The following VWC2L variants were observed in gnomAD, a reference collection of about 807,000 sequenced individuals.
The protein encoded by VWC2L is von Willebrand factor C domain containing 2 like, also known as von Willebrand factor C domain-containing protein 2-like.
In VWC2L, 10 loss-of-function variants were observed where a neutral mutation model predicts 21.6. The observed-to-expected ratio is 0.46, with a 90% confidence interval of 0.29 to 0.78. The LOEUF (loss-of-function observed/expected upper bound fraction) is 0.78. Among genes scored for constraint, VWC2L ranks in the 30% least tolerant of loss-of-function variants. The pLI, the probability that VWC2L is intolerant of heterozygous loss-of-function variation, is 0.10. For synonymous variants in VWC2L, 96 were observed against 94.3 expected (o/e 1.02, Z -0.10); for missense variants, 209 against 277.1 (o/e 0.75, Z 1.74).
chr2:214,541,250 T>A (rs1689622018), intron 3 of VWC2L, among the ~76,000 whole-genome samples: 1 of 151,960 alleles, frequency 6.6e-6, no homozygotes, highest in South Asian at 2.1e-4. Context: ...TTTAATTGTC[T>A]CATTTTGTTT....
intron 3 of VWC2L, among the ~76,000 whole-genome samples, chr2:214,556,725 C>T (rs188946794): frequency 9.7e-4 from 148 of 152,324 alleles, no homozygotes; most frequent in African/African-American, 2.8e-3. Flanking sequence ...ACCAGGAGGA[C>T]TTCCAGTAAA....
chr2:214,503,795 A>G (rs2105902238), intron 3 of VWC2L, among the ~76,000 whole-genome samples: 1 of 151,822 alleles, frequency 6.6e-6, no homozygotes, highest in East Asian at 1.9e-4. Context: ...GAGATGGGAC[A>G]AGTAAGATAT....
intron 3 of VWC2L, among the ~76,000 whole-genome samples, chr2:214,572,496 T>A (rs1477148094): frequency 6.6e-6 from 1 of 152,180 alleles, no homozygotes; most frequent in Non-Finnish European, 1.5e-5. Context: ...ACGTATTCCC[T>A]TATTTCGACC....
chr2:214,494,722 C>G (rs1280537477), intron 3 of VWC2L, among the ~76,000 whole-genome samples: 2 of 151,868 alleles, frequency 1.3e-5, no homozygotes, highest in Non-Finnish European at 2.9e-5. Flanking sequence ...CTTGAATGTA[C>G]TTAAAATTCA....
intron 3 of VWC2L, among the ~76,000 whole-genome samples, chr2:214,558,138 C>G (rs573467874): frequency 1.3e-5 from 2 of 152,322 alleles, no homozygotes; most frequent in South Asian, 2.1e-4. Context: ...CTGCCAGAAA[C>G]CTTTACTTTC....
intron 3 of VWC2L, among the ~76,000 whole-genome samples, chr2:214,482,536 TACAC>T (rs58784551): frequency 1.3e-4 from 20 of 148,674 alleles, no homozygotes; most frequent in East Asian, 2.0e-4. Flanking sequence ...TCTATATATA[TACAC>T]ACACACACAC....
At chr2:214,519,188 C>G (rs10932538) in intron 3 of VWC2L, among the ~76,000 whole-genome samples, 25,157 of 152,110 alleles carry the variant, frequency 0.17, 2,216 homozygotes, top group East Asian at 0.27. Context: ...AATTGCAAAG[C>G]CTGTTCTTTT....
chr2:214,512,775 T>A (rs888254963), intron 3 of VWC2L, among the ~76,000 whole-genome samples: 7 of 152,022 alleles, frequency 4.6e-5, no homozygotes, highest in Admixed American at 3.9e-4. Flanking sequence ...GAAGAATGCA[T>A]AAGTGGATAT....
At chr2:214,563,776 G>C (rs1690018585) in intron 3 of VWC2L, among the ~76,000 whole-genome samples, 1 of 152,034 alleles carries the variant, frequency 6.6e-6, no homozygotes, top group Non-Finnish European at 1.5e-5. Flanking sequence ...TTGAAAACCA[G>C]TACAAGACAA....
At chr2:214,522,568 T>C (rs1188081730) in intron 3 of VWC2L, among the ~76,000 whole-genome samples, 1 of 152,036 alleles carries the variant, frequency 6.6e-6, no homozygotes, top group Non-Finnish European at 1.5e-5. Context: ...TCATGGAGAA[T>C]GAGGTATCCA....
At chr2:214,503,496 C>T (rs1263363894) in intron 3 of VWC2L, among the ~76,000 whole-genome samples, 1 of 151,924 alleles carries the variant, frequency 6.6e-6, no homozygotes, top group Non-Finnish European at 1.5e-5. Flanking sequence ...GAGCTTAGAG[C>T]TCATCAAAGT....
intron 3 of VWC2L, among the ~76,000 whole-genome samples, chr2:214,457,420 T>C (rs1361194430): frequency 6.6e-6 from 1 of 152,096 alleles, no homozygotes; most frequent in East Asian, 1.9e-4. Flanking sequence ...TTTAGGTTTA[T>C]TAACATCATA....
intron 3 of VWC2L, among the ~76,000 whole-genome samples, chr2:214,500,545 C>T (rs1250110615): frequency 6.6e-6 from 1 of 152,220 alleles, no homozygotes. Flanking sequence ...CCCATCTGAG[C>T]CTGTTTTCCA....
chr2:214,556,829 T>C (rs1312071345), intron 3 of VWC2L, among the ~76,000 whole-genome samples: 2 of 152,196 alleles, frequency 1.3e-5, no homozygotes, highest in Non-Finnish European at 2.9e-5. Context: ...CACTCTCTTG[T>C]TAATATCTTC....
At chr2:214,446,947 T>C (rs1702847037) in intron 3 of VWC2L, among the ~76,000 whole-genome samples, 1 of 152,164 alleles carries the variant, frequency 6.6e-6, no homozygotes, top group African/African-American at 2.4e-5. Flanking sequence ...GCTGAGTGTA[T>C]CCCTGAAAAC....
chr2:214,487,620 G>C (rs1194969857), intron 3 of VWC2L, among the ~76,000 whole-genome samples: 1 of 152,156 alleles, frequency 6.6e-6, no homozygotes, highest in African/African-American at 2.4e-5. Flanking sequence ...AGAATGAATA[G>C]AAGTAAGCCA....
intron 2 of VWC2L, among the ~76,000 whole-genome samples, chr2:214,427,918 T>C (rs973035785): frequency 2.0e-5 from 3 of 152,172 alleles, no homozygotes; most frequent in Non-Finnish European, 4.4e-5. Context: ...TCCTTTCCAA[T>C]ACAGTATTTT....
chr2:214,443,383 CAAAAAA>C (rs979992648), intron 3 of VWC2L, among the ~76,000 whole-genome samples: 1 of 149,760 alleles, frequency 6.7e-6, no homozygotes, highest in African/African-American at 2.5e-5. Context: ...AAAACAAAAA[CAAAAAA>C]ACAAAAAAAA....
chr2:214,575,023 G>T (rs1690206633), intron 3 of VWC2L, among the ~76,000 whole-genome samples: 1 of 135,002 alleles, frequency 7.4e-6, no homozygotes, highest in Admixed American at 7.4e-5. Context: ...CCACTATTTT[G>T]GGTCATTCTT....
Sources: gnomAD v4.1 joint callset for allele counts (sites outside exome capture counted in the v4.1 genomes callset) on GRCh38, gnomAD v4.1.1 for gene constraint, MANE v1.5 for transcripts, NCBI Gene and HGNC (gene_info 2026-07-23, HGNC 2026-07-21) for gene names.